The following AOPEP variants were observed in gnomAD, a reference collection of about 807,000 sequenced individuals.
The protein encoded by AOPEP is aminopeptidase O.
Under a neutral mutation model 98.1 loss-of-function variants are expected in AOPEP, and 77 were observed. That is an observed-to-expected ratio of 0.78 (90% CI 0.65 to 0.95). AOPEP has a LOEUF of 0.95. Ranked by LOEUF, AOPEP falls within the 40% of genes least tolerant of loss-of-function variation. The probability of loss-of-function intolerance (pLI) is 0.00; values close to 1 mark genes in which losing one functional copy is unlikely to be tolerated. For missense variants in AOPEP, 1,024 were observed against 1,024.7 expected (o/e 1.00, Z 0.01); for synonymous variants, 346 against 365.3 (o/e 0.95, Z 0.60).
intron 2 of AOPEP, among the ~76,000 whole-genome samples, chr9:94,771,697 C>T (rs534305534): frequency 7.2e-5 from 11 of 152,120 alleles, no homozygotes; most frequent in African/African-American, 2.2e-4. Context: ...TTTCCTTTGG[C>T]CCCTTCAGTG....
chr9:95,129,624 T>C, the AOPEP span, among the ~76,000 whole-genome samples: 3 of 152,216 alleles, frequency 2.0e-5, no homozygotes, highest in Admixed American at 6.5e-5. Flanking sequence ...TTTCCATCTG[T>C]TTGTTTTTCT....
chr9:94,841,827 G>A (rs1249038412), intron 5 of AOPEP, among the ~76,000 whole-genome samples: 1 of 152,134 alleles, frequency 6.6e-6, no homozygotes, highest in Non-Finnish European at 1.5e-5. Context: ...CAAGGCAGGA[G>A]GACTGCTTGA....
chr9:94,734,422 A>T (rs1233931339), intron 1 of AOPEP, among the ~76,000 whole-genome samples: 1 of 152,218 alleles, frequency 6.6e-6, no homozygotes, highest in Non-Finnish European at 1.5e-5. Flanking sequence ...GCCTGCTTAT[A>T]CTTGGAGTTG....
chr9:95,010,407 C>T (rs184917460), intron 13 of AOPEP, among the ~76,000 whole-genome samples: 1 of 152,310 alleles, frequency 6.6e-6, no homozygotes. Context: ...CAAAGCTTAG[C>T]AAAATGGCAC....
chr9:95,130,314 G>GAC, the AOPEP span, among the ~76,000 whole-genome samples: 6 of 152,100 alleles, frequency 3.9e-5, no homozygotes, highest in South Asian at 2.1e-4. Flanking sequence ...GAGAGAGAGA[G>GAC]AGAGAGAGAA....
chr9:95,122,014 T>C, the AOPEP span, among the ~76,000 whole-genome samples: 2 of 152,098 alleles, frequency 1.3e-5, no homozygotes, highest in South Asian at 4.2e-4. Context: ...CCCACCACCA[T>C]GCCCGGCGAA....
At chr9:94,911,859 TTTTCA>T (rs1350894452) in intron 5 of AOPEP, among the ~76,000 whole-genome samples, 3 of 152,294 alleles carry the variant, frequency 2.0e-5, no homozygotes, top group East Asian at 3.9e-4. Flanking sequence ...TGTTTTTAAC[TTTTCA>T]TTGCAGTGTA....
intron 5 of AOPEP, among the ~76,000 whole-genome samples, chr9:94,833,897 T>A (rs1588453775): frequency 1.3e-5 from 2 of 149,908 alleles, no homozygotes; most frequent in East Asian, 3.9e-4. Flanking sequence ...AGAATGAGAG[T>A]ATTATTTTTT....
chr9:95,003,650 T>C (rs1286167164), intron 11 of AOPEP, among the ~76,000 whole-genome samples: 1 of 152,222 alleles, frequency 6.6e-6, no homozygotes, highest in African/African-American at 2.4e-5. Flanking sequence ...TAACTATTTA[T>C]ATATATTTCC....
chr9:95,041,047 T>TC (rs1311725371), intron 13 of AOPEP, among the ~76,000 whole-genome samples: 2 of 53,150 alleles, frequency 3.8e-5, no homozygotes, highest in Non-Finnish European at 1.1e-4. Context: ...GTCTCCACAC[T>TC]CCAAAAAAAA....
intron 14 of AOPEP, among the ~76,000 whole-genome samples, chr9:95,061,402 G>C (rs2067307324): frequency 6.6e-6 from 1 of 152,138 alleles, no homozygotes; most frequent in South Asian, 2.1e-4. Context: ...GTAAAAACAA[G>C]AGCTTAAACA....
chr9:94,965,185 TC>T (rs377530494), intron 9 of AOPEP, among the ~76,000 whole-genome samples: 1 of 152,230 alleles, frequency 6.6e-6, no homozygotes, highest in African/African-American at 2.4e-5. Context: ...TCTCTGTATA[TC>T]CACTGCAGGT....
intron 13 of AOPEP, 119 bp downstream of exon 13, chr9:95,005,735 CA>C: frequency 1.3e-6 from 1 of 763,374 alleles, no homozygotes; most frequent in Non-Finnish European, 2.3e-6. Flanking sequence ...TATAATAAAC[CA>C]TAGATTTAAT....
chr9:94,817,305 C>G (rs953124184), intron 5 of AOPEP, among the ~76,000 whole-genome samples: 2 of 152,174 alleles, frequency 1.3e-5, no homozygotes, highest in African/African-American at 4.8e-5. Context: ...ACACCTGGCC[C>G]TTGTACCCTA....
At chr9:94,906,536 C>T (rs571349913) in intron 5 of AOPEP, among the ~76,000 whole-genome samples, 1 of 151,228 alleles carries the variant, frequency 6.6e-6, no homozygotes, top group African/African-American at 2.4e-5. Flanking sequence ...TTAACCAGGT[C>T]TCAGCTACTC....
chr9:94,845,831 G>A (rs10761359), intron 5 of AOPEP, among the ~76,000 whole-genome samples: 117,695 of 152,048 alleles, frequency 0.77, 47,301 homozygotes, highest in Non-Finnish European at 0.89. Flanking sequence ...AGTGGCTCAC[G>A]CCTGTAATTT....
Position 95,011,122 on chromosome 9 carries a change from C to G in AOPEP, c.2115+5506C>G, listed in dbSNP as rs528387927. Among the ~76,000 whole-genome samples the G allele has an allele frequency of 4.1e-3, 617 of 151,802 alleles. 3 individuals carry two copies. The highest frequency in any genetic ancestry group is 6.8e-3 in the Middle Eastern group (2 of 294). On this transcript the variant is annotated intron_variant, in intron 13 of 16. Transcript: ENST00000375315. Reference sequence around the variant, plus strand: ...TGATAAAAGGTATTTTTGGTAGCCTCAGGAAGGAAATCTGATCTGTATAAT... The same window carrying G: ...TGATAAAAGGTATTTTTGGTAGCCTGAGGAAGGAAATCTGATCTGTATAAT...
At chr9:94,982,402 G>A (rs964514546) in intron 11 of AOPEP, among the ~76,000 whole-genome samples, 1 of 152,182 alleles carries the variant, frequency 6.6e-6, no homozygotes, top group African/African-American at 2.4e-5. Context: ...GCACCTGAGA[G>A]CAGCCCGCTG....
chr9:94,787,558 G>A (rs1195173047), intron 3 of AOPEP, among the ~76,000 whole-genome samples: 1 of 152,192 alleles, frequency 6.6e-6, no homozygotes, highest in Non-Finnish European at 1.5e-5. Context: ...AGCCTGTTGT[G>A]CGTAGTGCTT....
Sources: gnomAD v4.1 joint callset for allele counts (sites outside exome capture counted in the v4.1 genomes callset) on GRCh38, gnomAD v4.1.1 for gene constraint, MANE v1.5 for transcripts, NCBI Gene and HGNC (gene_info 2026-07-23, HGNC 2026-07-21) for gene names.